The following ARHGAP26 variants were observed in gnomAD, a reference collection of about 807,000 sequenced individuals.
The protein encoded by ARHGAP26 is Rho GTPase activating protein 26, also known as rho GTPase-activating protein 26.
In ARHGAP26, 38 loss-of-function variants were observed where a neutral mutation model predicts 104.8. The ratio of observed to expected loss-of-function variants is 0.36; its 90% CI spans 0.28 to 0.48. ARHGAP26 has a LOEUF of 0.48. Among genes scored for constraint, ARHGAP26 ranks in the 20% least tolerant of loss-of-function variants. The probability of loss-of-function intolerance (pLI) is 0.99; values close to 1 mark genes in which losing one functional copy is unlikely to be tolerated. For missense variants in ARHGAP26, 704 were observed against 947.9 expected (o/e 0.74, Z 3.38); for synonymous variants, 341 against 340.0 (o/e 1.00, Z -0.03).
chr5:143,061,660 G>T (rs754145985), intron 17 of ARHGAP26, among the ~76,000 whole-genome samples: 1 of 152,144 alleles, frequency 6.6e-6, no homozygotes, highest in Non-Finnish European at 1.5e-5. Context: ...ATTGAAAATG[G>T]CTTAAACAAT....
chr5:142,784,876 A>T (rs920888619), intron 1 of ARHGAP26, among the ~76,000 whole-genome samples: 2 of 150,618 alleles, frequency 1.3e-5, no homozygotes, highest in Non-Finnish European at 2.9e-5. Flanking sequence ...AATATCTGCC[A>T]TTCTTTCCAT....
intron 1 of ARHGAP26, among the ~76,000 whole-genome samples, chr5:142,782,482 G>C (rs1267422604): frequency 1.3e-5 from 2 of 152,164 alleles, no homozygotes; most frequent in African/African-American, 4.8e-5. Flanking sequence ...TGCAGTCTGG[G>C]CATGGGACAT....
intron 4 of ARHGAP26, among the ~76,000 whole-genome samples, chr5:142,884,433 A>G (rs1224022915): frequency 6.6e-6 from 1 of 152,246 alleles, no homozygotes; most frequent in Non-Finnish European, 1.5e-5. Context: ...GAAGACAATA[A>G]TACGGCTAAT....
intron 18 of ARHGAP26, among the ~76,000 whole-genome samples, chr5:143,125,550 C>T (rs1428638722): frequency 6.6e-6 from 1 of 152,102 alleles, no homozygotes; most frequent in Non-Finnish European, 1.5e-5. Context: ...CAGTGTTTGG[C>T]ACAATTCTGG....
At chr5:142,836,102 T>C (rs1027098176) in intron 1 of ARHGAP26, among the ~76,000 whole-genome samples, 4 of 152,314 alleles carry the variant, frequency 2.6e-5, no homozygotes, top group African/African-American at 9.6e-5. Context: ...GTCTGGATTC[T>C]TGGAGAGCAA....
chr5:142,818,778 C>T (rs2152063390), intron 1 of ARHGAP26, among the ~76,000 whole-genome samples: 1 of 152,292 alleles, frequency 6.6e-6, no homozygotes, highest in South Asian at 2.1e-4. Flanking sequence ...TGTTTCCCCA[C>T]TATCAGCAGG....
chr5:143,032,034 A>G (rs1406024775), intron 12 of ARHGAP26, among the ~76,000 whole-genome samples: 1 of 151,978 alleles, frequency 6.6e-6, no homozygotes, highest in East Asian at 1.9e-4. Context: ...GCATAAACCC[A>G]CCTCTCCTGT....
At chr5:143,192,956 G>A (rs1463790563) in intron 20 of ARHGAP26, among the ~76,000 whole-genome samples, 8 of 152,186 alleles carry the variant, frequency 5.3e-5, no homozygotes, top group South Asian at 4.1e-4. Flanking sequence ...TGCAGTAGGC[G>A]CTCCTCATCT....
chr5:142,925,936 G>A (rs1000447780), intron 10 of ARHGAP26, among the ~76,000 whole-genome samples: 5 of 152,212 alleles, frequency 3.3e-5, no homozygotes, highest in African/African-American at 1.2e-4. Context: ...TTTTGTTTCA[G>A]TGGGGTGGAG....
chr5:142,873,438 A>G lies in ARHGAP26; in HGVS notation c.193A>G (p.Asn65Asp). ...GAAGCGGAAGTTTGCAGATTCCTTAAATGAATTTAAATTTCAGTGCATAGG... is the reference window on the plus strand; with the variant it reads ...GAAGCGGAAGTTTGCAGATTCCTTAGATGAATTTAAATTTCAGTGCATAGG... ...SAKRKFADSL[N>D]EFKFQCIGDA... The change falls in exon 2 of 23, where the codon AAT (asparagine) becomes GAT (aspartate). Residue 65 changes from asparagine (N) to aspartate (D), a missense_variant. Coordinates refer to ENST00000645722, the MANE Select transcript of ARHGAP26 (RefSeq NM_001135608.3). 6.2e-7 allele frequency: 1 copy of G among 1,601,560 alleles called. No individual in the cohort carries two copies. Among genetic ancestry groups the G allele is most frequent in the Non-Finnish European group, 8.5e-7 (1 of 1,176,730 alleles).
chr5:143,000,637 T>C (rs1037857705), intron 11 of ARHGAP26, among the ~76,000 whole-genome samples: 6 of 152,146 alleles, frequency 3.9e-5, no homozygotes, highest in African/African-American at 1.4e-4. Flanking sequence ...CAAATGCTCA[T>C]CAATGATAGG....
intron 12 of ARHGAP26, among the ~76,000 whole-genome samples, chr5:143,036,001 A>T (rs1359471660): frequency 3.3e-5 from 5 of 151,958 alleles, no homozygotes; most frequent in Non-Finnish European, 1.5e-5. Flanking sequence ...GTTCTCCAAT[A>T]ACCTATGGAA....
intron 1 of ARHGAP26, among the ~76,000 whole-genome samples, chr5:142,852,531 G>A (rs1751693043): frequency 6.6e-6 from 1 of 152,176 alleles, no homozygotes; most frequent in South Asian, 2.1e-4. Flanking sequence ...ACTAATTATA[G>A]CATTCGTGCT....
chr5:142,774,519 A>G (rs571108293), intron 1 of ARHGAP26, among the ~76,000 whole-genome samples: 1 of 151,786 alleles, frequency 6.6e-6, no homozygotes, highest in African/African-American at 2.4e-5. Context: ...AGTTGCCCCT[A>G]TTTCTAACAT....
chr5:143,132,845 A>G (rs1479817657), intron 18 of ARHGAP26, among the ~76,000 whole-genome samples: 2 of 145,570 alleles, frequency 1.4e-5, no homozygotes, highest in Non-Finnish European at 3.0e-5. Flanking sequence ...GTATCCATTT[A>G]AAAAGGAATC....
chr5:142,841,924 C>G (rs79170492), intron 1 of ARHGAP26, among the ~76,000 whole-genome samples: 4,402 of 152,326 alleles, frequency 0.029, 90 homozygotes, highest in South Asian at 0.079. Flanking sequence ...CTTGTGAGCT[C>G]TGCTCTTGGT....
At chr5:142,791,815 T>G (rs780365680) in intron 1 of ARHGAP26, among the ~76,000 whole-genome samples, 7 of 151,784 alleles carry the variant, frequency 4.6e-5, no homozygotes, top group Non-Finnish European at 1.0e-4. Flanking sequence ...AACACAAAAA[T>G]TAGCCAGGCA....
At chr5:142,932,472 G>T (rs1764865191) in intron 11 of ARHGAP26, among the ~76,000 whole-genome samples, 1 of 152,170 alleles carries the variant, frequency 6.6e-6, no homozygotes, top group East Asian at 1.9e-4. Context: ...GGTGAGCCTG[G>T]TAATATGATC....
At chr5:142,773,620 G>A (rs1322242123) in intron 1 of ARHGAP26, among the ~76,000 whole-genome samples, 1 of 152,200 alleles carries the variant, frequency 6.6e-6, no homozygotes, top group African/African-American at 2.4e-5. Flanking sequence ...CGAGCCCTGG[G>A]TAGCAAAGAC....
Sources: allele counts gnomAD v4.1 joint callset (sites outside exome capture counted in the v4.1 genomes callset), GRCh38; gene constraint gnomAD v4.1.1; transcripts MANE v1.5; gene names NCBI Gene and HGNC (gene_info 2026-07-23, HGNC 2026-07-21).